Variants in FRK observed in about 807,000 individuals in gnomAD.
FRK encodes the protein tyrosine-protein kinase FRK.
A neutral mutation model predicts 56.4 loss-of-function variants in FRK; 51 were observed. The observed-to-expected ratio is 0.90, with a 90% confidence interval of 0.72 to 1.14. FRK has a LOEUF of 1.14. Ranked by LOEUF, FRK falls within the 50% of genes most tolerant of loss-of-function variation. FRK has a pLI of 0.00. For missense variants in FRK, 570 were observed against 601.4 expected, an observed-to-expected ratio of 0.95 and a Z score of 0.55; for synonymous variants, 245 against 217.9, an observed-to-expected ratio of 1.12 and a Z score of -1.10.
intron 1 of FRK, chr6:116,038,958 G>C (rs1776602363): frequency 2.9e-6 from 2 of 679,782 alleles, no homozygotes; most frequent in Admixed American, 1.8e-5. Context: ...CTGCTACAAA[G>C]TAACTAACGG....
At chr6:116,064,480 G>A (rs1777720376), upstream of FRK, among the ~76,000 whole-genome samples, 1 of 152,102 alleles carries the variant, frequency 6.6e-6, no homozygotes, top group African/African-American at 2.4e-5. Context: ...AAATGGGGAG[G>A]AAATGGAAGC....
Position 115,935,390 on chromosome 6 carries a change from C to A in FRK, c.*7024G>T, listed in dbSNP as rs1772026665. 6.5e-6 allele frequency: 1 copy of A among 152,796 alleles called. No homozygotes were observed. The highest frequency in any genetic ancestry group is 1.5e-5 in the Non-Finnish European group (1 of 68,520). The allele number at this position is 152,796 out of a possible 1,614,324, so 9.5% of individuals were successfully genotyped here. On this transcript the variant is annotated 3_prime_UTR_variant, in exon 8 of 8. Coordinates refer to ENST00000606080, the MANE Select transcript of FRK (RefSeq NM_002031.3). ...CCCTCCGGTGCCTACGCCACTGGGG[C>A]CCTGGGTGTCAAGCACAAAACTGGG...
At chr6:115,974,365 C>T (rs1359290621) in intron 2 of FRK, among the ~76,000 whole-genome samples, 2 of 152,030 alleles carry the variant, frequency 1.3e-5, no homozygotes, top group Non-Finnish European at 2.9e-5. Flanking sequence ...AGATTGCTAC[C>T]GATTATATAA....
chr6:116,023,099 C>T (rs750279405), intron 1 of FRK, among the ~76,000 whole-genome samples: 14 of 152,096 alleles, frequency 9.2e-5, no homozygotes, highest in Non-Finnish European at 1.8e-4. Flanking sequence ...TTAAAACCAA[C>T]GTGAGATGGC....
intron 1 of FRK, among the ~76,000 whole-genome samples, chr6:116,051,680 T>C (rs1160852532): frequency 3.9e-5 from 6 of 152,076 alleles, no homozygotes; most frequent in Non-Finnish European, 7.4e-5. Context: ...TCTATATAAC[T>C]ACCTTCCCTA....
chr6:116,013,312 C>CT (rs1350704068), intron 1 of FRK, among the ~76,000 whole-genome samples: 1 of 152,010 alleles, frequency 6.6e-6, no homozygotes, highest in Non-Finnish European at 1.5e-5. Flanking sequence ...TCTCAGGGCA[C>CT]TTTTTTTGTT....
rs1562257379 is a variant in FRK, at chr6:115,958,700, GAAAGAAGA to G, written c.800-2098_800-2091del. ...AGAAAGAAAGAAAGAAAGAAAGAAA[GAAAGAAGA>G]AAGAAAGAAAGAAAGAAAGAAAGAA... is the stretch of plus-strand genomic sequence containing the variant. On this transcript the variant is annotated intron_variant, in intron 4 of 7. Coordinates refer to ENST00000606080, the MANE Select transcript of FRK (RefSeq NM_002031.3). 6.2e-3 allele frequency among the ~76,000 whole-genome samples: 32 copies of G among 5,156 alleles called. 2 individuals are homozygous for G. Among genetic ancestry groups the G allele is most frequent in the African/African-American group, 0.018 (26 of 1,432 alleles). 3.4% of individuals were successfully genotyped at this position (5,156 alleles called of 152,430 possible).
At position 115,995,315 on chromosome 6, in the gene FRK, A is replaced by G. The variant is rs544999130; in HGVS notation, c.466+8562T>C. Among the ~76,000 whole-genome samples the G allele has an allele frequency of 5.3e-3, 811 of 152,282 alleles. 7 individuals carry two copies. The highest frequency in any genetic ancestry group is 9.1e-3 in the Admixed American group (139 of 15,284). ...TGTAAATAAAGGATCAATTTACTTC[A>G]GCTGTTAATAAAATGAAAAAATCAA... On this transcript the variant is annotated intron_variant, in intron 2 of 7. Coordinates refer to ENST00000606080, the MANE Select transcript of FRK (RefSeq NM_002031.3).
intron 2 of FRK, among the ~76,000 whole-genome samples, chr6:116,000,648 C>T (rs1775030217): frequency 1.3e-5 from 2 of 152,072 alleles, no homozygotes; most frequent in Non-Finnish European, 2.9e-5. Flanking sequence ...GACAAATAAA[C>T]AATCAGGGAT....
At chr6:115,947,501 C>T (rs931912333) in intron 5 of FRK, among the ~76,000 whole-genome samples, 2 of 152,006 alleles carry the variant, frequency 1.3e-5, no homozygotes, top group African/African-American at 4.8e-5. Context: ...AGAGTTGAGC[C>T]CTGTCACTAG....
At chr6:116,062,561 G>T (rs980249084), upstream of FRK, among the ~76,000 whole-genome samples, 1 of 152,034 alleles carries the variant, frequency 6.6e-6, no homozygotes, top group Admixed American at 6.6e-5. Flanking sequence ...TTTTTGAATT[G>T]TCGGGGTTCT....
chr6:115,952,774 G>C (rs1582639665), intron 5 of FRK, among the ~76,000 whole-genome samples: 2 of 151,926 alleles, frequency 1.3e-5, no homozygotes, highest in Admixed American at 1.3e-4. Flanking sequence ...CCTTTGCAGG[G>C]ACATGGATGA....
At chr6:115,942,972 A>C in intron 7 of FRK, 48 bp downstream of exon 7, 1 of 1,570,908 alleles carries the variant, frequency 6.4e-7, no homozygotes, top group South Asian at 1.2e-5. Flanking sequence ...ATCACACCTA[A>C]GTAAGTGACA....
chr6:116,073,029 T>C, the FRK span, among the ~76,000 whole-genome samples: 391 of 152,250 alleles, frequency 2.6e-3, 12 homozygotes, highest in South Asian at 0.044. Flanking sequence ...ATTTAAAATA[T>C]TGAAAGAGAA....
rs1771984843 is a variant in FRK, at chr6:115,933,085, A to G, written c.*9329T>C. On this transcript the variant is annotated 3_prime_UTR_variant, in exon 8 of 8. Coordinates refer to ENST00000606080, the MANE Select transcript of FRK (RefSeq NM_002031.3). ...CCTCTTTTGACCTTAGGTAACTTAAATCTATTCCCTTATTTCCTTCCTTAC... is the reference window on the plus strand; with the variant it reads ...CCTCTTTTGACCTTAGGTAACTTAAGTCTATTCCCTTATTTCCTTCCTTAC... 1 of 152,156 alleles carries G rather than the reference A, an allele frequency of 6.6e-6. No homozygotes were observed. The highest frequency in any genetic ancestry group is 1.5e-5 in the Non-Finnish European group (1 of 68,020). 9.4% of individuals were successfully genotyped at this position (152,156 alleles called of 1,614,324 possible). A position where few individuals can be genotyped will look rare whatever the true frequency, so the allele number is the denominator to read the frequency against.
intron 1 of FRK, among the ~76,000 whole-genome samples, chr6:116,034,126 A>G (rs1483877588): frequency 6.6e-6 from 1 of 152,134 alleles, no homozygotes; most frequent in African/African-American, 2.4e-5. Context: ...GGATGAACAG[A>G]GGTTGTTTAC....
chr6:116,079,175 T>C, the FRK span, among the ~76,000 whole-genome samples: 3 of 152,104 alleles, frequency 2.0e-5, no homozygotes, highest in Non-Finnish European at 1.5e-5. Context: ...ATACTAGATA[T>C]TACCAAAGAG....
the FRK span, among the ~76,000 whole-genome samples, chr6:116,098,317 C>T: frequency 1.1e-3 from 170 of 151,938 alleles, no homozygotes; most frequent in Non-Finnish European, 1.2e-3. Flanking sequence ...CGCTATGTTG[C>T]CCAAGCTGGT....
intron 5 of FRK, among the ~76,000 whole-genome samples, chr6:115,955,317 C>T (rs139238427): frequency 2.6e-5 from 4 of 151,834 alleles, no homozygotes; most frequent in East Asian, 3.9e-4. Flanking sequence ...TAAATGCTGT[C>T]GATAGATCTG....
Sources: gnomAD v4.1 joint callset for allele counts (sites outside exome capture counted in the v4.1 genomes callset) on GRCh38, gnomAD v4.1.1 for gene constraint, MANE v1.5 for transcripts, NCBI Gene and HGNC (gene_info 2026-07-23, HGNC 2026-07-21) for gene names.